The following HLCS variants were observed in gnomAD, a reference collection of about 807,000 sequenced individuals.
The protein encoded by HLCS is holocarboxylase synthetase, also known as biotin--protein ligase.
Under a neutral mutation model 75.0 loss-of-function variants are expected in HLCS, and 53 were observed. That is an observed-to-expected ratio of 0.71 (90% CI 0.57 to 0.89). The LOEUF is 0.89. HLCS is among the 40% of genes least tolerant of loss of function. The pLI, the probability that HLCS is intolerant of heterozygous loss-of-function variation, is 0.00. For missense variants in HLCS, 966 were observed against 1,074.0 expected (o/e 0.90, Z 1.41); for synonymous variants, 431 against 428.6 (o/e 1.01, Z -0.07).
At chr21:36,877,354 T>C (rs538789398) in intron 6 of HLCS, among the ~76,000 whole-genome samples, 2 of 152,320 alleles carry the variant, frequency 1.3e-5, no homozygotes, top group African/African-American at 4.8e-5. Context: ...CTTTTAGATT[T>C]TTTTTTTAGA....
intron 2 of HLCS, among the ~76,000 whole-genome samples, chr21:36,957,930 A>G (rs1047455375): frequency 3.7e-5 from 5 of 134,436 alleles, no homozygotes; most frequent in Non-Finnish European, 6.4e-5. Flanking sequence ...CTGCGTCTCG[A>G]AAAAAAAAAA....
chr21:36,872,134 T>C (rs1038639517), intron 6 of HLCS, among the ~76,000 whole-genome samples: 6 of 152,092 alleles, frequency 3.9e-5, no homozygotes, highest in Non-Finnish European at 8.8e-5. Flanking sequence ...CTTTAATACT[T>C]CAGCTGGGCT....
At chr21:36,989,874 C>T in intron 1 of HLCS, among the ~76,000 whole-genome samples, 1 of 152,092 alleles carries the variant, frequency 6.6e-6, no homozygotes, top group Non-Finnish European at 1.5e-5. Flanking sequence ...CACTGACAGC[C>T]GGGCCGAGCC....
chr21:36,935,204 T>C (rs2066824407), intron 4 of HLCS, among the ~76,000 whole-genome samples: 1 of 152,220 alleles, frequency 6.6e-6, no homozygotes, highest in Non-Finnish European at 1.5e-5. Flanking sequence ...AGTTACAATA[T>C]TTGCAGAGAA....
chr21:36,772,246 GAT>G (rs1485031172), intron 6 of HLCS, among the ~76,000 whole-genome samples: 1 of 151,916 alleles, frequency 6.6e-6, no homozygotes, highest in Non-Finnish European at 1.5e-5. Flanking sequence ...CAATGATGTA[GAT>G]ATATAATTAT....
chr21:36,822,501 T>C (rs1037332585), intron 6 of HLCS, among the ~76,000 whole-genome samples: 1 of 152,230 alleles, frequency 6.6e-6, no homozygotes, highest in African/African-American at 2.4e-5. Flanking sequence ...CATATTTATC[T>C]GACCTGATGG....
intron 6 of HLCS, among the ~76,000 whole-genome samples, chr21:36,784,686 T>A (rs1486739335): frequency 6.6e-6 from 1 of 152,152 alleles, no homozygotes. Flanking sequence ...TAGAAAGATC[T>A]GGAAATTGAC....
At chr21:36,917,071 T>C (rs1877883081) in intron 5 of HLCS, among the ~76,000 whole-genome samples, 1 of 152,164 alleles carries the variant, frequency 6.6e-6, no homozygotes, top group East Asian at 1.9e-4. Context: ...ATAGGGTTGG[T>C]GTATGACTCT....
chr21:36,955,840 GTTTT>G (rs2067912326), intron 2 of HLCS, among the ~76,000 whole-genome samples: 2 of 152,142 alleles, frequency 1.3e-5, no homozygotes, highest in African/African-American at 4.8e-5. Flanking sequence ...CAGGTGTACT[GTTTT>G]TTATCTTTTA....
chr21:36,968,403 T>A (rs1043158346), upstream of HLCS, among the ~76,000 whole-genome samples: 1 of 152,196 alleles, frequency 6.6e-6, no homozygotes, highest in Admixed American at 6.5e-5. Context: ...CATAGTATAT[T>A]TTCCCCCTTG....
rs185517430 is a variant in HLCS at position 36,882,352 on chromosome 21, G to A, written c.1892+14508C>T. Among the ~76,000 whole-genome samples the A allele has an allele frequency of 5.5e-4, 83 of 152,190 alleles. 1 individual carries two copies. Among genetic ancestry groups the A allele is most frequent in the Non-Finnish European group, 1.3e-4 (9 of 68,026 alleles). ...CACAGATGAGAAACAGACCCGGAGA[G>A]GCTGAGTGATTCACCAACATCGCAC... On this transcript the variant is annotated intron_variant, in intron 6 of 10. Transcript: ENST00000674895.
At chr21:36,907,661 G>A (rs1037721194) in intron 5 of HLCS, among the ~76,000 whole-genome samples, 10 of 151,988 alleles carry the variant, frequency 6.6e-5, no homozygotes, top group African/African-American at 2.4e-4. Context: ...CAAAAAAAAA[G>A]AGAGAGAAAG....
intron 1 of HLCS, among the ~76,000 whole-genome samples, chr21:36,983,393 T>C (rs913754092): frequency 6.6e-6 from 1 of 151,564 alleles, no homozygotes; most frequent in African/African-American, 2.4e-5. Context: ...GTATTTTTAG[T>C]AGAGATGGGG....
chr21:36,871,940 C>G (rs1035910431), intron 6 of HLCS, among the ~76,000 whole-genome samples: 1 of 152,178 alleles, frequency 6.6e-6, no homozygotes, highest in Admixed American at 6.5e-5. Context: ...CAGTGAGATA[C>G]AACTGCACAC....
intron 6 of HLCS, among the ~76,000 whole-genome samples, chr21:36,801,724 C>T (rs2061206962): frequency 6.6e-6 from 1 of 151,964 alleles, no homozygotes; most frequent in Non-Finnish European, 1.5e-5. Context: ...TATTAATTTG[C>T]TTCACTGTGA....
At chr21:36,921,670 A>G (rs1390678219) in intron 5 of HLCS, among the ~76,000 whole-genome samples, 1 of 152,106 alleles carries the variant, frequency 6.6e-6, no homozygotes, top group Non-Finnish European at 1.5e-5. Context: ...TTTCGCTCAC[A>G]CCTAGAATCT....
At chr21:36,853,103 A>C (rs918839998) in intron 6 of HLCS, among the ~76,000 whole-genome samples, 3 of 152,200 alleles carry the variant, frequency 2.0e-5, no homozygotes, top group Non-Finnish European at 4.4e-5. Context: ...AGGATTGAAA[A>C]TGTCCTAAAA....
At chr21:36,781,263 A>AG (rs2060524556) in intron 6 of HLCS, among the ~76,000 whole-genome samples, 1 of 151,148 alleles carries the variant, frequency 6.6e-6, no homozygotes, top group Admixed American at 6.6e-5. Context: ...CTGTCTCAAA[A>AG]AAAAAAAAAA....
chr21:36,930,323 T>C lies in HLCS; in HGVS notation c.1548A>G (p.Thr516=), dbSNP rs144016759. The C allele has an allele frequency of 1.9e-6, 3 of 1,614,034 alleles. No individual in the cohort carries two copies. The African/African-American group carries it at 4.0e-5, about 22-fold the overall frequency. ...RRYEVLREIL[T]TLGLSCDMKQ... ...TCATGTCACAGCTGAGGCCAAGGGT[T>C]GTCAGAATCTCTCTAAGGACTTCGT... The change falls in exon 5 of 11, where the codon ACA becomes ACG. Residue 516 remains threonine (T), a synonymous_variant. Coordinates refer to ENST00000674895, the MANE Select transcript of HLCS (RefSeq NM_001352514.2).
Sources: gnomAD v4.1 joint callset for allele counts (sites outside exome capture counted in the v4.1 genomes callset) on GRCh38, gnomAD v4.1.1 for gene constraint, MANE v1.5 for transcripts, NCBI Gene and HGNC (gene_info 2026-07-23, HGNC 2026-07-21) for gene names.